The following RBMS3 variants were observed in gnomAD, a reference collection of about 807,000 sequenced individuals.
The protein encoded by RBMS3 is RNA binding motif single stranded interacting protein 3.
In RBMS3, 27 loss-of-function variants were observed where a neutral mutation model predicts 66.8. The ratio of observed to expected loss-of-function variants is 0.40; its 90% CI spans 0.30 to 0.56. The LOEUF is 0.56. RBMS3 is among the 20% of genes least tolerant of loss of function. The probability of loss-of-function intolerance (pLI) is 0.40; values close to 1 mark genes in which losing one functional copy is unlikely to be tolerated. For missense variants in RBMS3, 513 were observed against 549.5 expected (o/e 0.93, Z 0.66); for synonymous variants, 188 against 183.0 (o/e 1.03, Z -0.22).
intron 4 of RBMS3, chr3:29,698,146 G>A: frequency 1.1e-6 from 1 of 933,442 alleles, no homozygotes; most frequent in Non-Finnish European, 1.3e-6. Flanking sequence ...CTACATTCCA[G>A]TGAAATTAAT....
At chr3:29,722,593 G>T (rs938612366) in intron 4 of RBMS3, among the ~76,000 whole-genome samples, 4 of 151,992 alleles carry the variant, frequency 2.6e-5, no homozygotes, top group Admixed American at 6.6e-5. Context: ...TTCAATCTAG[G>T]ATCAAATGTT....
At chr3:29,366,477 T>C (rs1407083618) in intron 1 of RBMS3, among the ~76,000 whole-genome samples, 2 of 152,192 alleles carry the variant, frequency 1.3e-5, no homozygotes, top group African/African-American at 2.4e-5. Context: ...CTTCAAATTA[T>C]TGGGCTCAGT....
intron 4 of RBMS3, among the ~76,000 whole-genome samples, chr3:29,678,400 G>A (rs2051341645): frequency 6.6e-6 from 1 of 152,118 alleles, no homozygotes; most frequent in Non-Finnish European, 1.5e-5. Context: ...AAGAAAAACT[G>A]ATGGTATTTT....
At chr3:29,310,306 G>C (rs957740674) in intron 1 of RBMS3, among the ~76,000 whole-genome samples, 40 of 151,592 alleles carry the variant, frequency 2.6e-4, no homozygotes, top group African/African-American at 9.2e-4. Flanking sequence ...TAAGCTGGGG[G>C]GGCCCGGATA....
At chr3:29,847,250 T>C (rs908749628) in intron 6 of RBMS3, among the ~76,000 whole-genome samples, 2 of 152,342 alleles carry the variant, frequency 1.3e-5, no homozygotes, top group African/African-American at 4.8e-5. Context: ...GACATAATGT[T>C]GTACAAGAGG....
intron 7 of RBMS3, among the ~76,000 whole-genome samples, chr3:29,872,922 G>A (rs1169875614): frequency 6.6e-6 from 1 of 152,020 alleles, no homozygotes; most frequent in East Asian, 1.9e-4. Context: ...TTGTTTCTGG[G>A]CTCTCTATTC....
At chr3:29,356,219 A>G (rs1207909407) in intron 1 of RBMS3, among the ~76,000 whole-genome samples, 3 of 152,176 alleles carry the variant, frequency 2.0e-5, no homozygotes, top group Non-Finnish European at 4.4e-5. Flanking sequence ...CTTGAGAAAC[A>G]GGTCTCAGGC....
chr3:29,552,162 G>A (rs574079911), intron 3 of RBMS3, among the ~76,000 whole-genome samples: 1 of 152,130 alleles, frequency 6.6e-6, no homozygotes, highest in Non-Finnish European at 1.5e-5. Context: ...GGAGGTGAAA[G>A]GAATGTTTAC....
At chr3:29,600,547 A>G (rs1219327765) in intron 4 of RBMS3, among the ~76,000 whole-genome samples, 1 of 152,072 alleles carries the variant, frequency 6.6e-6, no homozygotes, top group Non-Finnish European at 1.5e-5. Flanking sequence ...TTTTTTAAAA[A>G]TATAAGTTAT....
At chr3:29,343,531 A>G (rs2036401721) in intron 1 of RBMS3, among the ~76,000 whole-genome samples, 1 of 152,126 alleles carries the variant, frequency 6.6e-6, no homozygotes, top group Non-Finnish European at 1.5e-5. Context: ...CTAATATTTT[A>G]CCCTTATTTA....
chr3:29,612,366 C>G (rs2048521142), intron 4 of RBMS3, among the ~76,000 whole-genome samples: 1 of 151,892 alleles, frequency 6.6e-6, no homozygotes, highest in African/African-American at 2.4e-5. Flanking sequence ...TATACAGAAT[C>G]TTAGTTTATA....
At chr3:29,325,643 CAT>C (rs142225700) in intron 1 of RBMS3, among the ~76,000 whole-genome samples, 1 of 60,100 alleles carries the variant, frequency 1.7e-5, no homozygotes, top group Non-Finnish European at 3.2e-5. Flanking sequence ...TATATATACA[CAT>C]ACACACACAC....
At chr3:29,448,092 A>G (rs547741185) in intron 2 of RBMS3, among the ~76,000 whole-genome samples, 2 of 152,116 alleles carry the variant, frequency 1.3e-5, no homozygotes, top group Non-Finnish European at 2.9e-5. Context: ...TCTATGGGTG[A>G]CCTGCATGTC....
chr3:29,357,068 C>CT (rs1307977804), intron 1 of RBMS3, among the ~76,000 whole-genome samples: 2 of 151,890 alleles, frequency 1.3e-5, no homozygotes, highest in African/African-American at 2.4e-5. Context: ...TTTTATTATC[C>CT]TTTAAGTTCT....
At chr3:29,829,813 A>G (rs2149486962) in intron 6 of RBMS3, among the ~76,000 whole-genome samples, 1 of 125,824 alleles carries the variant, frequency 7.9e-6, no homozygotes, top group East Asian at 2.8e-4. Flanking sequence ...ACTAGAAAGC[A>G]CCATCAAGAG....
chr3:29,390,204 A>T (rs1439011428), intron 1 of RBMS3, among the ~76,000 whole-genome samples: 2 of 152,184 alleles, frequency 1.3e-5, no homozygotes, highest in African/African-American at 2.4e-5. Context: ...AAAATTGAAG[A>T]TTGTAGGAAT....
chr3:29,770,488 C>T (rs1325635632), intron 6 of RBMS3, among the ~76,000 whole-genome samples: 1 of 151,704 alleles, frequency 6.6e-6, no homozygotes, highest in Non-Finnish European at 1.5e-5. Context: ...CCATTTGGTT[C>T]CAGAATTTGA....
intron 4 of RBMS3, among the ~76,000 whole-genome samples, chr3:29,719,838 A>G (rs1323552994): frequency 6.6e-6 from 1 of 152,118 alleles, no homozygotes; most frequent in Non-Finnish European, 1.5e-5. Flanking sequence ...CTTCACTAAT[A>G]TATCCAGAAG....
chr3:29,342,764 T>A (rs1432620071), intron 1 of RBMS3, among the ~76,000 whole-genome samples: 1 of 152,136 alleles, frequency 6.6e-6, no homozygotes, highest in African/African-American at 2.4e-5. Context: ...ATTACACAGT[T>A]TTTCACACAT....
Sources: gnomAD v4.1 joint callset for allele counts (sites outside exome capture counted in the v4.1 genomes callset) on GRCh38, gnomAD v4.1.1 for gene constraint, MANE v1.5 for transcripts, NCBI Gene and HGNC (gene_info 2026-07-23, HGNC 2026-07-21) for gene names.